The following TULP3 variants were observed in gnomAD, a reference collection of about 807,000 sequenced individuals.
TULP3 encodes TUB like protein 3, also known as tubby-related protein 3.
Under a neutral mutation model 50.7 loss-of-function variants are expected in TULP3, and 38 were observed. The observed-to-expected ratio is 0.75, with a 90% CI of 0.58 to 0.98. The LOEUF (loss-of-function observed/expected upper bound fraction) is 0.98. Ranked by LOEUF, TULP3 falls within the 50% of genes least tolerant of loss-of-function variation. The pLI is 0.00. For synonymous variants in TULP3, 183 were observed against 196.6 expected (o/e 0.93, Z 0.58); for missense variants, 550 against 568.0 (o/e 0.97, Z 0.32).
rs1603503906 is a variant in TULP3 at position 2,899,867 on chromosome 12, T to C, written c.41+8879T>C. 3.7e-5 allele frequency among the ~76,000 whole-genome samples: 5 copies of C among 135,860 alleles called. No homozygotes were observed. The South Asian group carries it at 9.0e-4, about 25-fold the overall frequency. 89.1% of individuals were successfully genotyped at this position (135,860 alleles called of 152,430 possible). A position where few individuals can be genotyped will look rare whatever the true frequency, so the allele number is the denominator to read the frequency against. ...GAGCTCATGCCACTGCACTCCAGCC[T>C]GGGCGACAGAGCGAGACTCCGTCTC... On this transcript the variant is annotated intron_variant, in intron 1 of 10. Coordinates refer to ENST00000448120, the MANE Select transcript of TULP3 (RefSeq NM_003324.5).
rs145792954 is a variant in TULP3 at position 2,923,784 on chromosome 12, C to T, written c.394+1382C>T. ...TCCAAGGGTTCAAGACCAGCCTGGG[C>T]AACATGGAGAAACCTTGTCTCTACA... On this transcript the variant is annotated intron_variant, in intron 4 of 10. Coordinates refer to ENST00000448120, the MANE Select transcript of TULP3 (RefSeq NM_003324.5). Among the ~76,000 whole-genome samples, 411 of 150,394 alleles carry T rather than the reference C, an allele frequency of 2.7e-3. 3 individuals are homozygous for T. Among genetic ancestry groups the T allele is most frequent in the African/African-American group, 9.5e-3 (389 of 40,896 alleles).
Position 2,931,017 on chromosome 12 carries a change from A to T in TULP3, c.493-20A>T, listed in dbSNP as rs1342753104. On this transcript the variant is annotated intron_variant, in intron 5 of 10. Coordinates refer to ENST00000448120, the MANE Select transcript of TULP3 (RefSeq NM_003324.5). ...TTTGAGTCTCGGCCTGTTGTTGCTC[A>T]TGTATGGCTGTCCTTTCAGGATACA... is the stretch of plus-strand genomic sequence containing the variant. The T allele has an allele frequency of 1.2e-6, 2 of 1,613,800 alleles. No homozygotes were observed. Among genetic ancestry groups the T allele is most frequent in the African/African-American group, 2.7e-5 (2 of 74,912 alleles).
At chr12:2,909,699 G>C (rs898595005) in intron 2 of TULP3, 119 bp downstream of exon 2, 4 of 1,083,578 alleles carry the variant, frequency 3.7e-6, no homozygotes, top group Non-Finnish European at 5.4e-6. Context: ...GAGAAGGCTC[G>C]GGTGGTTACC....
chr12:2,934,399 A>T, intron 7 of TULP3, 48 bp from the exon 8 acceptor site: 1 of 1,300,070 alleles, frequency 7.7e-7, no homozygotes, highest in Non-Finnish European at 1.0e-6. Flanking sequence ...GTGTTTGTAT[A>T]AGAAAAAAAA....
chr12:2,922,893 G>A (rs375995075), intron 4 of TULP3, among the ~76,000 whole-genome samples: 2 of 137,990 alleles, frequency 1.4e-5, no homozygotes, highest in South Asian at 2.2e-4. Context: ...TCACTCTGTC[G>A]CGCTGGCTGG....
rs1332287707 is a variant in TULP3, at chr12:2,891,005, G to A, written c.41+17G>A. The A allele has an allele frequency of 3.2e-6, 5 of 1,578,650 alleles. No individual in the cohort carries two copies. The highest frequency in any genetic ancestry group is 4.3e-6 in the Non-Finnish European group (5 of 1,163,976). ...CGGCGACAGGTCAGACAGGGCCGTGGCAGGTCTCCTCCTGAGCGAGGCGGA... is the reference window on the plus strand; with the variant it reads ...CGGCGACAGGTCAGACAGGGCCGTGACAGGTCTCCTCCTGAGCGAGGCGGA... On this transcript the variant is annotated intron_variant, in intron 1 of 10. Coordinates refer to ENST00000448120, the MANE Select transcript of TULP3 (RefSeq NM_003324.5).
At chr12:2,918,624 T>C (rs1236805516) in intron 2 of TULP3, among the ~76,000 whole-genome samples, 1 of 152,076 alleles carries the variant, frequency 6.6e-6, no homozygotes, top group Non-Finnish European at 1.5e-5. Flanking sequence ...CGCCGCAACC[T>C]CCGCCTCCCA....
At chr12:2,903,995 G>A (rs920090877) in intron 1 of TULP3, among the ~76,000 whole-genome samples, 2 of 152,068 alleles carry the variant, frequency 1.3e-5, no homozygotes, top group African/African-American at 4.8e-5. Context: ...TGTTGGCCGG[G>A]GTGGTCTTGA....
intron 1 of TULP3, 118 bp from the exon 2 acceptor site, chr12:2,909,411 T>G (rs2098184154): frequency 3.1e-6 from 3 of 957,876 alleles, no homozygotes; most frequent in South Asian, 1.7e-5. Flanking sequence ...AGCTGATGCC[T>G]TCTATGAGGC....
chr12:2,911,208 A>T (rs911827323), intron 2 of TULP3, among the ~76,000 whole-genome samples: 30 of 152,194 alleles, frequency 2.0e-4, no homozygotes, highest in Non-Finnish European at 1.9e-4. Context: ...AATTTTTTTT[A>T]AATTATGTTT....
intron 2 of TULP3, among the ~76,000 whole-genome samples, chr12:2,916,900 TAA>T (rs2098188980): frequency 6.6e-6 from 1 of 152,218 alleles, no homozygotes; most frequent in African/African-American, 2.4e-5. Context: ...GTTTTTTTCT[TAA>T]GTCATTGGTC....
rs1199048757 is a variant in TULP3 at position 2,909,562 on chromosome 12, G to A, written c.75G>A (p.Gln25=). The A allele has an allele frequency of 6.3e-7, 1 of 1,578,466 alleles. No homozygotes were observed. The highest frequency in any genetic ancestry group is 8.5e-7 in the Non-Finnish European group (1 of 1,169,986). Residue 25 remains glutamine, a synonymous_variant, in exon 2 of 11, where the codon CAG becomes CAA. Coordinates refer to ENST00000448120, the MANE Select transcript of TULP3 (RefSeq NM_003324.5). The part of the protein sequence containing the change: ...VFHEEMMKMR[Q]AKLDYQRLLL... ...ATGAAGAAATGATGAAGATGCGACA[G>A]GCTAAGCTGGATTATCAGGTGAGCA...
In TULP3 at chr12:2,922,652, A is replaced by C. The variant is rs2098192424; in HGVS notation, c.394+250A>C. The stretch of plus-strand genomic sequence containing the variant: ...AATACTAGCTGCCATAGATGGCCAT[A>C]GATGACTGTTTGTTTCTTTTTGACT... On this transcript the variant is annotated intron_variant, in intron 4 of 10. Transcript: ENST00000448120. 7.2e-5 allele frequency among the ~76,000 whole-genome samples: 11 copies of C among 152,278 alleles called. No homozygotes were observed. In the South Asian group the frequency reaches 1.7e-3, roughly 23 times the overall value.
intron 3 of TULP3, 73 bp from the exon 4 acceptor site, chr12:2,922,189 A>G: frequency 1.3e-6 from 2 of 1,540,110 alleles, no homozygotes; most frequent in Admixed American, 2.0e-5. Flanking sequence ...TTCTGATCAC[A>G]TATGCCAAAT....
intron 4 of TULP3, among the ~76,000 whole-genome samples, chr12:2,925,699 A>C (rs949981937): frequency 6.6e-6 from 1 of 152,218 alleles, no homozygotes; most frequent in Non-Finnish European, 1.5e-5. Flanking sequence ...AAAGAAAGTG[A>C]AAGATATGCG....
Position 2,940,577 on chromosome 12 carries a change from C to T in TULP3, c.*1133C>T. The stretch of plus-strand genomic sequence containing the variant: ...GCAGGAGCTCTGTGAGCTCCACCGT[C>T]AGCACCATTCAGCTGCATCCCTTGT... On this transcript the variant is annotated 3_prime_UTR_variant, in exon 11 of 11. Coordinates refer to ENST00000448120, the MANE Select transcript of TULP3 (RefSeq NM_003324.5). The T allele has an allele frequency of 6.4e-7, 1 of 1,551,722 alleles. No homozygotes were observed. Among genetic ancestry groups the T allele is most frequent in the Non-Finnish European group, 8.7e-7 (1 of 1,146,972 alleles).
intron 8 of TULP3, 59 bp downstream of exon 8, chr12:2,934,620 C>T: frequency 8.8e-7 from 1 of 1,139,466 alleles, no homozygotes; most frequent in East Asian, 2.8e-5. Context: ...TGGCACTTTT[C>T]ACCTAGTGTC....
Position 2,939,431 on chromosome 12 carries a change from T to C in TULP3, c.1316T>C (p.Leu439Pro). ...GGTCTTTCTAGCTTTGACAGTAAGC[T>C]GGCGTGTGAATGAGAGAACAGTCAG... ...GIGLSSFDSKLACE is the reference protein window; with the variant it reads ...GIGLSSFDSKPACE Residue 439 changes from leucine (L) to proline (P), a missense_variant, in exon 11 of 11, where the codon CTG becomes CCG. Leu to Pro is a moderately conservative substitution (Grantham distance 98). Transcript: ENST00000448120. The surrounding 1 kb of genome is among the most constrained non-coding windows in gnomAD (Gnocchi z 4.0). 6.2e-7 allele frequency: 1 copy of C among 1,614,166 alleles called. No homozygotes were observed. The highest frequency in any genetic ancestry group is 8.5e-7 in the Non-Finnish European group (1 of 1,180,032).
chr12:2,935,087 G>A (rs2098200330), intron 8 of TULP3, among the ~76,000 whole-genome samples: 1 of 152,110 alleles, frequency 6.6e-6, no homozygotes, highest in Admixed American at 6.5e-5. Flanking sequence ...CTACAACGAG[G>A]CTCCAGTTGA....
Sources: allele counts gnomAD v4.1 joint callset (sites outside exome capture counted in the v4.1 genomes callset), GRCh38; gene constraint gnomAD v4.1.1; non-coding constraint Gnocchi (gnomAD v3.1); transcripts MANE v1.5; gene names NCBI Gene and HGNC (gene_info 2026-07-23, HGNC 2026-07-21).